SBF2: variants seen among roughly 807,000 people sequenced by gnomAD.
SBF2 encodes the protein myotubularin-related protein 13.
A neutral mutation model predicts 225.2 loss-of-function variants in SBF2; 112 were observed. The observed-to-expected ratio is 0.50, with a 90% CI of 0.43 to 0.58. The LOEUF is 0.58. Among genes scored for constraint, SBF2 ranks in the 20% least tolerant of loss-of-function variants. SBF2 has a pLI of 0.00. For synonymous variants in SBF2, 763 were observed against 773.3 expected (o/e 0.99, Z 0.22); for missense variants, 1,996 against 2,206.2 (o/e 0.90, Z 1.91).
At position 10,132,808 on chromosome 11, in the gene SBF2, G is replaced by C. The variant is rs189041609; in HGVS notation, c.141+61094C>G. Among the ~76,000 whole-genome samples, 1,116 of 149,014 alleles carry C rather than the reference G, an allele frequency of 7.5e-3. 83 individuals carry two copies. The highest frequency in any genetic ancestry group is 0.026 in the African/African-American group (1,053 of 40,454). On this transcript the variant is annotated intron_variant, in intron 2 of 39. Coordinates refer to ENST00000256190, the MANE Select transcript of SBF2 (RefSeq NM_030962.4). ...CCACATCCTGCTGATTGGTAGGGCC[G>C]AGTGGCCTGTTTTGTCAGGGCGCTG... is the stretch of plus-strand genomic sequence containing the variant.
chr11:9,862,742 T>G (rs1186469005), intron 17 of SBF2, among the ~76,000 whole-genome samples: 1 of 152,116 alleles, frequency 6.6e-6, no homozygotes, highest in Non-Finnish European at 1.5e-5. Context: ...TAAAAAAATT[T>G]TTTTTATTAT....
chr11:9,942,938 A>AGAAAGAAG (rs1223846067), intron 16 of SBF2, among the ~76,000 whole-genome samples: 2 of 146,206 alleles, frequency 1.4e-5, no homozygotes, highest in Admixed American at 6.9e-5. Context: ...AAAGAAAGAA[A>AGAAAGAAG]GAAGGAAGGA....
At chr11:9,784,024 G>C (rs762158960) in intron 38 of SBF2, among the ~76,000 whole-genome samples, 9 of 152,026 alleles carry the variant, frequency 5.9e-5, no homozygotes, top group Admixed American at 5.9e-4. Context: ...GAAAACCTCA[G>C]GAATCCCCTC....
chr11:10,301,427 TTC>T (rs1336664492), intron 1 of SBF2, among the ~76,000 whole-genome samples: 1 of 152,350 alleles, frequency 6.6e-6, no homozygotes, highest in African/African-American at 2.4e-5. Flanking sequence ...GCTGATTGTG[TTC>T]TTTCTCTAAA....
At chr11:9,902,454 T>C (rs1406917024) in intron 16 of SBF2, among the ~76,000 whole-genome samples, 2 of 152,152 alleles carry the variant, frequency 1.3e-5, no homozygotes, top group Non-Finnish European at 2.9e-5. Context: ...ACACCTTCCA[T>C]GTATTGATTT....
intron 13 of SBF2, among the ~76,000 whole-genome samples, chr11:9,985,270 T>C (rs1590682879): frequency 6.6e-6 from 1 of 152,190 alleles, no homozygotes; most frequent in African/African-American, 2.4e-5. Context: ...AGGCATTTCA[T>C]GCAAATGAAC....
intron 1 of SBF2, among the ~76,000 whole-genome samples, chr11:10,250,037 T>C (rs867579350): frequency 4.6e-5 from 7 of 152,114 alleles, no homozygotes; most frequent in Admixed American, 2.6e-4. Flanking sequence ...CAAAATTGTA[T>C]GGGATTTCTA....
intron 2 of SBF2, among the ~76,000 whole-genome samples, chr11:10,049,726 G>A (rs1029685441): frequency 6.6e-6 from 1 of 152,114 alleles, no homozygotes; most frequent in Admixed American, 6.6e-5. Flanking sequence ...TAAAAGTATG[G>A]GAACTGCTAT....
At chr11:10,252,446 G>A (rs1738147526) in intron 1 of SBF2, among the ~76,000 whole-genome samples, 1 of 152,178 alleles carries the variant, frequency 6.6e-6, no homozygotes, top group African/African-American at 2.4e-5. Context: ...CTAAATCTTG[G>A]CCAATCCCAT....
At chr11:10,187,422 G>T (rs1408676012) in intron 2 of SBF2, among the ~76,000 whole-genome samples, 2 of 151,988 alleles carry the variant, frequency 1.3e-5, no homozygotes, top group Non-Finnish European at 2.9e-5. Context: ...TTCCCAGGAA[G>T]GTGCCAACCC....
chr11:10,140,947 A>G (rs1262573037), intron 2 of SBF2, among the ~76,000 whole-genome samples: 1 of 152,216 alleles, frequency 6.6e-6, no homozygotes, highest in African/African-American at 2.4e-5. Flanking sequence ...TTTTATTCAT[A>G]TAACTTTCTT....
At chr11:10,283,739 C>T (rs1963567350) in intron 1 of SBF2, among the ~76,000 whole-genome samples, 1 of 152,128 alleles carries the variant, frequency 6.6e-6, no homozygotes, top group East Asian at 1.9e-4. Flanking sequence ...GGCTAAATAA[C>T]TTCACATATT....
intron 2 of SBF2, among the ~76,000 whole-genome samples, chr11:10,167,341 C>CG: frequency 6.6e-6 from 1 of 152,184 alleles, no homozygotes; most frequent in South Asian, 2.1e-4. Context: ...TGGTGGCTCA[C>CG]GTCTGTAATC....
chr11:10,227,043 G>T (rs1323288279), intron 1 of SBF2, among the ~76,000 whole-genome samples: 1 of 152,090 alleles, frequency 6.6e-6, no homozygotes, highest in Non-Finnish European at 1.5e-5. Context: ...GGTATTTCAT[G>T]GTGGTTTTGA....
At position 9,808,006 on chromosome 11, in the gene SBF2, T is replaced by G; in HGVS notation, c.4437A>C (p.Val1479=). The change falls in exon 32 of 40, where the codon GTA becomes GTC. Residue 1479 remains valine (V), a synonymous_variant. Coordinates refer to ENST00000256190, the MANE Select transcript of SBF2 (RefSeq NM_030962.4). ...APVFLQFLDC[V]HQVHNQYPTE... is the part of the protein sequence containing the mutation. The stretch of plus-strand genomic sequence containing the variant: ...TCAAGCTTGCTCTACTTACCTGGTG[T>G]ACACAGTCTAAGAACTGTAAGAAGA... The G allele has an allele frequency of 2.5e-6, 4 of 1,613,834 alleles. No individual in the cohort carries two copies. The highest frequency in any genetic ancestry group is 2.5e-6 in the Non-Finnish European group (3 of 1,179,734).
chr11:10,021,534 A>G (rs1948857629), intron 6 of SBF2, among the ~76,000 whole-genome samples: 1 of 152,192 alleles, frequency 6.6e-6, no homozygotes, highest in Non-Finnish European at 1.5e-5. Context: ...TAGGGAGTGA[A>G]GCTTGGAATG....
intron 17 of SBF2, among the ~76,000 whole-genome samples, chr11:9,887,774 GA>G (rs964273544): frequency 1.5e-4 from 22 of 149,276 alleles, no homozygotes; most frequent in African/African-American, 5.2e-4. Context: ...AAAAAACGAT[GA>G]AAAAAAACCC....
At chr11:10,061,288 G>A (rs969865770) in intron 2 of SBF2, among the ~76,000 whole-genome samples, 2 of 152,094 alleles carry the variant, frequency 1.3e-5, no homozygotes, top group East Asian at 1.9e-4. Context: ...CTTGAAAACT[G>A]GCACAAGACA....
chr11:10,274,118 C>T (rs1962764447), intron 1 of SBF2, among the ~76,000 whole-genome samples: 1 of 152,174 alleles, frequency 6.6e-6, no homozygotes, highest in Non-Finnish European at 1.5e-5. Flanking sequence ...AATGATTTGG[C>T]AGTGGGAGTT....
Sources: allele counts gnomAD v4.1 joint callset (sites outside exome capture counted in the v4.1 genomes callset), GRCh38; gene constraint gnomAD v4.1.1; transcripts MANE v1.5; gene names NCBI Gene and HGNC (gene_info 2026-07-23, HGNC 2026-07-21).